LYPD5: variants seen among roughly 807,000 people sequenced by gnomAD.
LYPD5 encodes the protein LY6/PLAUR domain containing 5.
Under a neutral mutation model 19.1 loss-of-function variants are expected in LYPD5, and 21 were observed. The observed-to-expected ratio is 1.10, with a 90% CI of 0.78 to 1.58. The LOEUF is 1.58. Among genes scored for constraint, LYPD5 ranks in the 40% most tolerant of loss-of-function variants. LYPD5 has a pLI of 0.00. For synonymous variants in LYPD5, 128 were observed against 142.7 expected (o/e 0.90, Z 0.74); for missense variants, 287 against 329.8 (o/e 0.87, Z 1.00).
upstream of LYPD5, among the ~76,000 whole-genome samples, chr19:43,806,712 C>T (rs1297971164): frequency 6.6e-6 from 1 of 152,008 alleles, no homozygotes; most frequent in Non-Finnish European, 1.5e-5. Flanking sequence ...TCAGGGCTCT[C>T]ACTGATTCTA....
rs896499364 is a variant in LYPD5 at position 43,797,063 on chromosome 19, C to T, written c.*528G>A. The T allele has an allele frequency of 2.0e-5, 3 of 152,016 alleles. No individual in the cohort carries two copies. Among genetic ancestry groups the T allele is most frequent in the Non-Finnish European group, 4.4e-5 (3 of 68,356 alleles). 9.4% of individuals were successfully genotyped at this position (152,016 alleles called of 1,614,324 possible). ...CTGAATGCTGGAGCTGGGATTTGAA[C>T]CCATGCAGCTTAGCTCCAGAGCCTG... On this transcript the variant is annotated 3_prime_UTR_variant, in exon 5 of 5. Transcript: ENST00000377950.
chr19:43,797,498 T>A lies in LYPD5; in HGVS notation c.*93A>T. 3 of 1,066,356 alleles carry A rather than the reference T, an allele frequency of 2.8e-6. No homozygotes were observed. The highest frequency in any genetic ancestry group is 2.8e-6 in the Non-Finnish European group (2 of 726,326). The allele number at this position is 1,066,356 out of a possible 1,614,324, so 66.1% of individuals were successfully genotyped here. On this transcript the variant is annotated 3_prime_UTR_variant, in exon 5 of 5. Coordinates refer to ENST00000377950, the MANE Select transcript of LYPD5 (RefSeq NM_001031749.3). ...AGAGGGACAGGAGTGCAATTCTTAC[T>A]TTAACATCATTTTCCAGTGAGCTAT...
chr19:43,819,125 G>T lies in LYPD5; in HGVS notation c.-66+1415C>A, dbSNP rs554506694. ...GATCACTTCAAATAAGCAGTTGTTG[G>T]CATTTAGCCTCTATTGCATCAGTGT... is the stretch of plus-strand genomic sequence containing the variant. On this transcript the variant is annotated intron_variant, in intron 1 of 4. Coordinates refer to the LYPD5 transcript ENST00000414615. Among the ~76,000 whole-genome samples, 7 of 151,646 alleles carry T rather than the reference G, an allele frequency of 4.6e-5. No individual in the cohort carries two copies. The South Asian group carries it at 1.2e-3, about 27-fold the overall frequency.
chr19:43,811,701 AAG>A (rs1225569699), intron 1 of LYPD5, among the ~76,000 whole-genome samples: 2 of 130,346 alleles, frequency 1.5e-5, no homozygotes, highest in Non-Finnish European at 3.2e-5. Flanking sequence ...GAAAGAAGGA[AAG>A]AGAGAAAGAA....
chr19:43,799,572 C>G, intron 2 of LYPD5, 134 bp downstream of exon 2: 1 of 1,035,112 alleles, frequency 9.7e-7, no homozygotes, highest in Non-Finnish European at 1.4e-6. Flanking sequence ...TCTTCCTCCT[C>G]TTCTTCCTCT....
intron 1 of LYPD5, among the ~76,000 whole-genome samples, chr19:43,808,354 C>T (rs1480071000): frequency 1.3e-5 from 2 of 152,226 alleles, no homozygotes; most frequent in Non-Finnish European, 2.9e-5. Flanking sequence ...GATCCACTGG[C>T]CTCAGCCTCC....
At chr19:43,802,560 T>A, upstream of LYPD5, 5 of 263,094 alleles carry the variant, frequency 1.9e-5, no homozygotes, top group East Asian at 4.8e-5. Flanking sequence ...GATCCTCAGT[T>A]GCTGGAGATC....
rs2146489837 is a variant in LYPD5, at chr19:43,796,505, AT to A, written c.*1085del. On this transcript the variant is annotated 3_prime_UTR_variant, in exon 5 of 5. Transcript: ENST00000377950. ...CTCCTGCTTCTTTTTGCCAGCTACT[AT>A]TGATCCTTTAGGATTTTGCTCAAGG... 6.6e-6 allele frequency: 1 copy of A among 152,642 alleles called. No individual in the cohort carries two copies. The highest frequency in any genetic ancestry group is 2.4e-5 in the African/African-American group (1 of 41,556). 9.5% of individuals were successfully genotyped at this position (152,642 alleles called of 1,614,324 possible). A position where few individuals can be genotyped will look rare whatever the true frequency, so the allele number is the denominator to read the frequency against.
intron 1 of LYPD5, among the ~76,000 whole-genome samples, chr19:43,811,648 T>G (rs938001565): frequency 6.6e-6 from 1 of 150,424 alleles, no homozygotes; most frequent in Non-Finnish European, 1.5e-5. Context: ...ATCACGCCAC[T>G]GCCCTCTAGC....
chr19:43,799,680 C>A, intron 2 of LYPD5, 26 bp downstream of exon 2: 1 of 1,603,152 alleles, frequency 6.2e-7, no homozygotes, highest in East Asian at 2.2e-5. Context: ...ATCTCTCATC[C>A]CTGTCCCCCG....
upstream of LYPD5, among the ~76,000 whole-genome samples, chr19:43,804,588 G>A (rs1970255376): frequency 6.6e-6 from 1 of 152,194 alleles, no homozygotes; most frequent in Non-Finnish European, 1.5e-5. Flanking sequence ...TTCTTTGACA[G>A]CAGCCACTAT....
intron 2 of LYPD5, 34 bp downstream of exon 2, chr19:43,799,672 C>A (rs369809260): frequency 3.9e-5 from 62 of 1,592,104 alleles, no homozygotes; most frequent in Non-Finnish European, 5.1e-5. Context: ...CCTCCCTAAT[C>A]TCTCATCCCT....
intron 1 of LYPD5, among the ~76,000 whole-genome samples, chr19:43,807,536 G>A (rs1341235745): frequency 3.3e-5 from 5 of 151,956 alleles, no homozygotes; most frequent in Non-Finnish European, 5.9e-5. Context: ...CGCCTGCCTC[G>A]GCCTCCCAGA....
intron 1 of LYPD5, among the ~76,000 whole-genome samples, chr19:43,812,353 C>T (rs1911738972): frequency 7.2e-6 from 1 of 139,814 alleles, no homozygotes; most frequent in Non-Finnish European, 1.6e-5. Context: ...ATCTATCTAT[C>T]TATCTATCTA....
At chr19:43,800,942 C>T (rs1004915170) in intron 1 of LYPD5, among the ~76,000 whole-genome samples, 7 of 130,464 alleles carry the variant, frequency 5.4e-5, no homozygotes, top group South Asian at 2.8e-4. Flanking sequence ...GCCTGGGCGG[C>T]GACAGAGGGA....
At chr19:43,820,517 C>G (rs1420502697) in intron 1 of LYPD5, 1 of 152,072 alleles carries the variant, frequency 6.6e-6, no homozygotes, top group Non-Finnish European at 1.5e-5. Context: ...TCGCATTCGC[C>G]TCATTGCTTC....
chr19:43,807,846 G>A (rs1348484352), intron 1 of LYPD5, among the ~76,000 whole-genome samples: 1 of 152,186 alleles, frequency 6.6e-6, no homozygotes, highest in African/African-American at 2.4e-5. Flanking sequence ...AATGCCCAAG[G>A]GGCTGACATC....
intron 1 of LYPD5, among the ~76,000 whole-genome samples, chr19:43,808,502 G>C (rs967038066): frequency 6.6e-6 from 1 of 152,198 alleles, no homozygotes; most frequent in Non-Finnish European, 1.5e-5. Flanking sequence ...ATTTAAATTA[G>C]GTGGCTGGGT....
At position 43,802,310 on chromosome 19, in the gene LYPD5, T is replaced by C; in HGVS notation, c.64+7A>G. On this transcript the variant is annotated splice_region_variant and intron_variant, in intron 1 of 4. Coordinates refer to ENST00000377950, the MANE Select transcript of LYPD5 (RefSeq NM_001031749.3). ...CTTCTCACTACTGGATTCAGAAGTTTGCGTACCTGTCAGGCAGAGCGCAGC... is the reference window on the plus strand; with the variant it reads ...CTTCTCACTACTGGATTCAGAAGTTCGCGTACCTGTCAGGCAGAGCGCAGC... 6.4e-7 allele frequency: 1 copy of C among 1,551,362 alleles called. No homozygotes were observed. Among genetic ancestry groups the C allele is most frequent in the Non-Finnish European group, 8.7e-7 (1 of 1,146,772 alleles).
Sources: allele counts gnomAD v4.1 joint callset (sites outside exome capture counted in the v4.1 genomes callset), GRCh38; gene constraint gnomAD v4.1.1; transcripts MANE v1.5; gene names NCBI Gene and HGNC (gene_info 2026-07-23, HGNC 2026-07-21).